Variants in GPHN observed in about 807,000 individuals in gnomAD.
GPHN encodes gephyrin.
Under a neutral mutation model 95.5 loss-of-function variants are expected in GPHN, and 17 were observed. The ratio of observed to expected loss-of-function variants is 0.18; its 90% CI spans 0.12 to 0.27. The LOEUF is 0.27. Among genes scored for constraint, GPHN ranks in the 10% least tolerant of loss-of-function variants. The pLI is 1.00. For synonymous variants in GPHN, 320 were observed against 322.5 expected, an observed-to-expected ratio of 0.99 and a Z score of 0.08; for missense variants, 660 against 978.1, an observed-to-expected ratio of 0.67 and a Z score of 4.34.
intron 1 of GPHN, among the ~76,000 whole-genome samples, chr14:66,670,638 A>C (rs1001675596): frequency 6.6e-6 from 1 of 152,108 alleles, no homozygotes; most frequent in Non-Finnish European, 1.5e-5. Flanking sequence ...AAAATACAAA[A>C]AAATTTAGCT....
chr14:67,373,226 G>A, the GPHN span, among the ~76,000 whole-genome samples: 1 of 152,150 alleles, frequency 6.6e-6, no homozygotes, highest in East Asian at 1.9e-4. Flanking sequence ...AGTGGCTTCA[G>A]GGGTGATGGA....
the GPHN span, chr14:67,316,735 A>C: frequency 3.4e-6 from 3 of 892,176 alleles, no homozygotes; most frequent in Non-Finnish European, 5.1e-6. Flanking sequence ...AATATAAGTG[A>C]AGAGATATGT....
chr14:66,873,726 G>A (rs1306027575), intron 4 of GPHN, among the ~76,000 whole-genome samples: 2 of 152,170 alleles, frequency 1.3e-5, no homozygotes, highest in African/African-American at 4.8e-5. Flanking sequence ...CCTTCTCTCT[G>A]GGCAGGACAT....
chr14:66,842,723 G>A (rs575800689), intron 4 of GPHN: 60 of 1,523,350 alleles, frequency 3.9e-5, no homozygotes, highest in Admixed American at 1.8e-4. Context: ...AGGGGTAAGC[G>A]AAGACTTCAA....
At chr14:67,283,852 T>C in the GPHN span, among the ~76,000 whole-genome samples, 1 of 152,268 alleles carries the variant, frequency 6.6e-6, no homozygotes, top group African/African-American at 2.4e-5. Flanking sequence ...ATTCCACTTA[T>C]TAAGCAGTAG....
the GPHN span, among the ~76,000 whole-genome samples, chr14:67,609,903 CTCCTG>C: frequency 0.39 from 59,548 of 151,744 alleles, 14,123 homozygotes; most frequent in African/African-American, 0.68. Flanking sequence ...CTGCACAAGG[CTCCTG>C]TCCTGGAAAC....
intron 4 of GPHN, among the ~76,000 whole-genome samples, chr14:66,861,860 A>G (rs1020231830): frequency 1.3e-5 from 2 of 152,082 alleles, no homozygotes; most frequent in Non-Finnish European, 2.9e-5. Context: ...AGGGAATTTT[A>G]TAGCTATAAG....
the GPHN span, chr14:67,336,392 C>T: frequency 2.7e-5 from 5 of 185,050 alleles, no homozygotes; most frequent in Non-Finnish European, 5.7e-5. Context: ...CCATTGTTTT[C>T]TTGATTTCTT....
chr14:67,530,198 G>A, the GPHN span, among the ~76,000 whole-genome samples: 1 of 152,156 alleles, frequency 6.6e-6, no homozygotes, highest in Non-Finnish European at 1.5e-5. Context: ...AATAACAAAA[G>A]CTTCCATTTA....
intron 9 of GPHN, among the ~76,000 whole-genome samples, chr14:66,975,469 C>A (rs1014773568): frequency 6.6e-6 from 1 of 152,166 alleles, no homozygotes; most frequent in African/African-American, 2.4e-5. Flanking sequence ...GATTTACTGG[C>A]AGACATTTAA....
chr14:67,651,284 C>T, the GPHN span: 2 of 1,597,898 alleles, frequency 1.3e-6, no homozygotes, highest in Non-Finnish European at 1.7e-6. Context: ...CATCCTTGAA[C>T]TGTCAGCCCA....
At chr14:67,650,367 G>A in the GPHN span, 51 of 301,020 alleles carry the variant, frequency 1.7e-4, no homozygotes, top group African/African-American at 1.1e-3. Context: ...CATACTGGAG[G>A]TGGCATACAT....
the GPHN span, among the ~76,000 whole-genome samples, chr14:67,322,913 T>G: frequency 6.6e-6 from 1 of 152,156 alleles, no homozygotes; most frequent in African/African-American, 2.4e-5. Context: ...GATTCAAACA[T>G]AGTCTACTTT....
chr14:67,725,665 C>A, the GPHN span, among the ~76,000 whole-genome samples: 1 of 152,206 alleles, frequency 6.6e-6, no homozygotes, highest in Non-Finnish European at 1.5e-5. Context: ...TGAGGGACAT[C>A]CTGGGACCAT....
chr14:66,974,346 T>A (rs929946548), intron 9 of GPHN, among the ~76,000 whole-genome samples: 1 of 152,138 alleles, frequency 6.6e-6, no homozygotes, highest in African/African-American at 2.4e-5. Flanking sequence ...TTTTTCTTTT[T>A]TCGTTCATGC....
chr14:67,167,149 T>C (rs1204533734), intron 20 of GPHN, among the ~76,000 whole-genome samples: 2 of 152,168 alleles, frequency 1.3e-5, no homozygotes, highest in Non-Finnish European at 2.9e-5. Flanking sequence ...AAAATATAGA[T>C]AAGCATAAAA....
At chr14:67,028,761 T>C (rs2074046486) in intron 10 of GPHN, among the ~76,000 whole-genome samples, 1 of 152,204 alleles carries the variant, frequency 6.6e-6, no homozygotes, top group Non-Finnish European at 1.5e-5. Flanking sequence ...ATGTTGTGGA[T>C]ATTAGTCCCT....
the GPHN span, chr14:67,575,279 C>G: frequency 1.5e-6 from 1 of 649,668 alleles, no homozygotes; most frequent in Non-Finnish European, 2.7e-6. Flanking sequence ...CAAATGGCAT[C>G]TCCATCTCTA....
chr14:67,429,687 G>A, the GPHN span, among the ~76,000 whole-genome samples: 3 of 152,090 alleles, frequency 2.0e-5, no homozygotes, highest in East Asian at 5.9e-4. Context: ...AGTGAGTTGA[G>A]ATTGCGCCAT....
Sources: gnomAD v4.1 joint callset for allele counts (sites outside exome capture counted in the v4.1 genomes callset) on GRCh38, gnomAD v4.1.1 for gene constraint, MANE v1.5 for transcripts, NCBI Gene and HGNC (gene_info 2026-07-23, HGNC 2026-07-21) for gene names.